The following HSF2 variants were observed in gnomAD, a reference collection of about 807,000 sequenced individuals.
The protein encoded by HSF2 is heat shock transcription factor 2.
Under a neutral mutation model 65.0 loss-of-function variants are expected in HSF2, and 21 were observed. The observed-to-expected ratio is 0.32, with a 90% CI of 0.23 to 0.47. The LOEUF is 0.47. HSF2 is among the 20% of genes least tolerant of loss of function. HSF2 has a pLI of 1.00. For missense variants in HSF2, 499 were observed against 628.1 expected (o/e 0.79, Z 2.20); for synonymous variants, 225 against 219.1 (o/e 1.03, Z -0.24).
intron 4 of HSF2, among the ~76,000 whole-genome samples, chr6:122,414,800 A>G (rs183934472): frequency 1.2e-4 from 19 of 152,218 alleles, no homozygotes; most frequent in Admixed American, 1.2e-3. Context: ...TATTTTTAGT[A>G]GAGATGGGGT....
intron 7 of HSF2, among the ~76,000 whole-genome samples, chr6:122,421,154 A>G (rs747931288): frequency 5.3e-5 from 8 of 151,988 alleles, no homozygotes; most frequent in Non-Finnish European, 1.0e-4. Context: ...TTTTTACTCC[A>G]GCAATTTAAA....
chr6:122,423,080 T>A (rs1382725590), intron 9 of HSF2, 123 bp downstream of exon 9: 30 of 1,081,274 alleles, frequency 2.8e-5, no homozygotes, highest in Middle Eastern at 2.2e-4. Context: ...CTTTCTCTGT[T>A]TTGGTCAGTG....
At chr6:122,431,824 G>A (rs558775743) in intron 12 of HSF2, 101 bp from the exon 13 acceptor site, 345 of 958,848 alleles carry the variant, frequency 3.6e-4, no homozygotes, top group Admixed American at 4.9e-4. Context: ...CTATATGAGA[G>A]TAGTAATTGC....
chr6:122,417,718 CAG>C (rs1310284218), intron 5 of HSF2, among the ~76,000 whole-genome samples: 2 of 152,124 alleles, frequency 1.3e-5, no homozygotes, highest in Admixed American at 6.5e-5. Context: ...GAAGTGTCAA[CAG>C]AGAACTGAGA....
At position 122,433,029 on chromosome 6, in the gene HSF2, G is replaced by A. The variant is rs1289177898; in HGVS notation, c.*809G>A. 6.6e-6 allele frequency: 1 copy of A among 152,168 alleles called. No individual in the cohort carries two copies. Among genetic ancestry groups the A allele is most frequent in the African/African-American group, 2.4e-5 (1 of 41,436 alleles). The allele number at this position is 152,168 out of a possible 1,614,324, so 9.4% of individuals were successfully genotyped here. ...AAACAATTTTTTCTTCTCATAGGAA[G>A]CAGTAGCTTTAAACTGTCTGTGGTT... On this transcript the variant is annotated 3_prime_UTR_variant, in exon 13 of 13. Transcript: ENST00000368455.
chr6:122,428,446 T>C (rs1452592594), intron 11 of HSF2, among the ~76,000 whole-genome samples: 1 of 152,014 alleles, frequency 6.6e-6, no homozygotes, highest in East Asian at 1.9e-4. Context: ...AATAAGGATT[T>C]TTTTTTTGAC....
rs771822518 is a variant in HSF2, at chr6:122,427,979, C to T, written c.1230+23C>T. ...AAAGTAAGTTTTAATTCATGTTGCT[C>T]AGGACCCATAGCTATAAAAATCTAC... On this transcript the variant is annotated intron_variant, in intron 11 of 12. Coordinates refer to ENST00000368455, the MANE Select transcript of HSF2 (RefSeq NM_004506.4). The T allele has an allele frequency of 5.9e-6, 9 of 1,522,366 alleles. No homozygotes were observed. The Admixed American group carries it at 8.8e-5, about 15-fold the overall frequency. The allele number at this position is 1,522,366 out of a possible 1,614,324, so 94.3% of individuals were successfully genotyped here. A position where few individuals can be genotyped will look rare whatever the true frequency, so the allele number is the denominator to read the frequency against.
At position 122,432,300 on chromosome 6, in the gene HSF2, T is replaced by A; in HGVS notation, c.*80T>A. The A allele has an allele frequency of 8.2e-7, 1 of 1,219,170 alleles. No homozygotes were observed. Among genetic ancestry groups the A allele is most frequent in the Non-Finnish European group, 1.2e-6 (1 of 865,892 alleles). The allele number at this position is 1,219,170 out of a possible 1,614,324, so 75.5% of individuals were successfully genotyped here. A position where few individuals can be genotyped will look rare whatever the true frequency, so the allele number is the denominator to read the frequency against. On this transcript the variant is annotated 3_prime_UTR_variant, in exon 13 of 13. Coordinates refer to ENST00000368455, the MANE Select transcript of HSF2 (RefSeq NM_004506.4). ...ATTTTAAAGTATCATTTGGTACTTT[T>A]TTTGTAAATTGCTTTGTTTTGTTTA...
chr6:122,403,762 A>G (rs925757607), intron 1 of HSF2, among the ~76,000 whole-genome samples: 3 of 152,112 alleles, frequency 2.0e-5, no homozygotes, highest in Non-Finnish European at 1.5e-5. Flanking sequence ...TGGCTTTGGT[A>G]GTCTGTTGTC....
chr6:122,406,956 G>A (rs1773880835), intron 1 of HSF2, among the ~76,000 whole-genome samples: 1 of 152,180 alleles, frequency 6.6e-6, no homozygotes, highest in African/African-American at 2.4e-5. Flanking sequence ...ATGTTGAATA[G>A]GTGGTTGAGT....
intron 11 of HSF2, among the ~76,000 whole-genome samples, chr6:122,429,886 G>C (rs1289290935): frequency 6.6e-6 from 1 of 152,166 alleles, no homozygotes; most frequent in African/African-American, 2.4e-5. Context: ...TAAGCTTTAT[G>C]ATGTGCTGCT....
At chr6:122,413,853 A>G (rs45448793) in intron 4 of HSF2, among the ~76,000 whole-genome samples, 57 of 152,260 alleles carry the variant, frequency 3.7e-4, no homozygotes, top group African/African-American at 1.2e-3. Flanking sequence ...TGTTTTAATT[A>G]TGATAGTCAG....
chr6:122,399,900 G>A, intron 1 of HSF2, 70 bp downstream of exon 1: 7 of 1,198,938 alleles, frequency 5.8e-6, no homozygotes, highest in Non-Finnish European at 8.6e-6. Context: ...CCTGCGGGGT[G>A]GTCTCTCGCG....
chr6:122,413,712 A>C, intron 4 of HSF2, 63 bp downstream of exon 4: 1 of 1,350,498 alleles, frequency 7.4e-7, no homozygotes, highest in Non-Finnish European at 1.0e-6. Context: ...ATGTGTGTTG[A>C]GTTTGGAGGT....
At position 122,416,318 on chromosome 6, in the gene HSF2, G is replaced by A. The variant is rs185193584; in HGVS notation, c.531+22G>A. Reference sequence around the variant, plus strand: ...AAAGGTAAGAAGCTCTTTTCCCCAGGACCATAATTTGCATTTGTTTAATGA... The same window carrying A: ...AAAGGTAAGAAGCTCTTTTCCCCAGAACCATAATTTGCATTTGTTTAATGA... On this transcript the variant is annotated intron_variant, in intron 5 of 12. Coordinates refer to ENST00000368455, the MANE Select transcript of HSF2 (RefSeq NM_004506.4). 2.2e-4 allele frequency: 350 copies of A among 1,566,370 alleles called. 3 individuals are homozygous for A. In the East Asian group the frequency reaches 6.8e-3, roughly 31 times the overall value.
chr6:122,429,204 A>C (rs190848765), intron 11 of HSF2, among the ~76,000 whole-genome samples: 12 of 152,162 alleles, frequency 7.9e-5, no homozygotes, highest in Admixed American at 3.9e-4. Context: ...TGTTATTCTC[A>C]TGGACCATTT....
chr6:122,409,733 A>G (rs1222753407), intron 1 of HSF2, among the ~76,000 whole-genome samples: 2 of 151,952 alleles, frequency 1.3e-5, no homozygotes, highest in East Asian at 3.9e-4. Context: ...TTCTGTTAGG[A>G]AGAAAGTAGA....
chr6:122,423,058 CA>C, intron 9 of HSF2, 101 bp downstream of exon 9: 35 of 1,244,050 alleles, frequency 2.8e-5, no homozygotes, highest in Non-Finnish European at 4.1e-5. Context: ...ATGATGAACC[CA>C]CATAGTCCAC....
chr6:122,427,551 C>T (rs904566448), intron 10 of HSF2, among the ~76,000 whole-genome samples: 2 of 151,740 alleles, frequency 1.3e-5, no homozygotes, highest in Non-Finnish European at 2.9e-5. Context: ...CTCAACCCTG[C>T]ACACCACTTA....
Sources: allele counts gnomAD v4.1 joint callset (sites outside exome capture counted in the v4.1 genomes callset), GRCh38; gene constraint gnomAD v4.1.1; transcripts MANE v1.5; gene names NCBI Gene and HGNC (gene_info 2026-07-23, HGNC 2026-07-21).